The following ANO6 variants were observed in gnomAD, a reference collection of about 807,000 sequenced individuals.
ANO6 encodes the protein anoctamin 6, also known as anoctamin-6.
ANO6 carries 106 observed loss-of-function variants against 117.5 expected under a neutral mutation model. That is an observed-to-expected ratio of 0.90 (90% confidence interval 0.77 to 1.06). The LOEUF is 1.06. Among genes scored for constraint, ANO6 ranks in the 50% least tolerant of loss-of-function variants. The pLI is 0.00. For missense variants in ANO6, 955 were observed against 1,121.1 expected (o/e 0.85, Z 2.12); for synonymous variants, 367 against 385.1 (o/e 0.95, Z 0.55).
At chr12:45,217,145 G>C (rs915784079) in intron 1 of ANO6, among the ~76,000 whole-genome samples, 12 of 152,124 alleles carry the variant, frequency 7.9e-5, no homozygotes, top group African/African-American at 2.9e-4. Flanking sequence ...AAGAAAAAAA[G>C]GGCAAACAAA....
exon 20 of ANO6, chr12:45,439,691 C>A: frequency 6.9e-7 from 1 of 1,445,538 alleles, no homozygotes; most frequent in Non-Finnish European, 9.1e-7. Flanking sequence ...GCTTTGTTGC[C>A]CAGGCTGGGA....
At chr12:45,258,820 G>A (rs891777501) in intron 1 of ANO6, among the ~76,000 whole-genome samples, 1 of 152,340 alleles carries the variant, frequency 6.6e-6, no homozygotes, top group African/African-American at 2.4e-5. Flanking sequence ...CTCCAGAATA[G>A]AGACTGTAAA....
chr12:45,379,660 G>C (rs1942118966), intron 10 of ANO6, among the ~76,000 whole-genome samples: 1 of 152,252 alleles, frequency 6.6e-6, no homozygotes, highest in Middle Eastern at 3.4e-3. Flanking sequence ...ACTAATGGAT[G>C]CTGATAGCCC....
chr12:45,281,622 A>T (rs545885553), intron 1 of ANO6, among the ~76,000 whole-genome samples: 1 of 152,340 alleles, frequency 6.6e-6, no homozygotes, highest in African/African-American at 2.4e-5. Flanking sequence ...GATGGTGCTC[A>T]GCCATTCATG....
In ANO6 at chr12:45,378,118, GTTTTTT is replaced by G; in HGVS notation, c.1165+16_1165+21del. The G allele has an allele frequency of 6.7e-7, 1 of 1,501,802 alleles. No homozygotes were observed. Among genetic ancestry groups the G allele is most frequent in the East Asian group, 2.3e-5 (1 of 43,108 alleles). The allele number at this position is 1,501,802 out of a possible 1,614,324, so 93.0% of individuals were successfully genotyped here. On this transcript the variant is annotated splice_donor_region_variant and intron_variant, in intron 10 of 19. Transcript: ENST00000320560. ...CAGTATTTATGGGAGTATGGGGTAA[GTTTTTT>G]TTTTTTTTTTCATGCACTCAATTTG...
intron 1 of ANO6, among the ~76,000 whole-genome samples, chr12:45,261,164 C>G (rs1427739217): frequency 2.6e-5 from 4 of 152,060 alleles, no homozygotes; most frequent in Non-Finnish European, 5.9e-5. Context: ...TATCAGGATT[C>G]CAGGCATGTG....
chr12:45,439,639 TTTAA>T (rs1943747203), intron 19 of ANO6: 1 of 1,382,526 alleles, frequency 7.2e-7, no homozygotes, highest in Non-Finnish European at 9.4e-7. Flanking sequence ...CAAGATATGA[TTTAA>T]TTGCTTTTTT....
intron 1 of ANO6, among the ~76,000 whole-genome samples, chr12:45,244,876 G>A (rs1315068299): frequency 6.6e-6 from 1 of 152,130 alleles, no homozygotes; most frequent in Admixed American, 6.5e-5. Flanking sequence ...GGAATCTTTG[G>A]TCATAGCAGG....
At chr12:45,419,252 GT>G (rs1565768530) in intron 17 of ANO6, among the ~76,000 whole-genome samples, 15 of 152,218 alleles carry the variant, frequency 9.9e-5, no homozygotes, top group Non-Finnish European at 1.5e-4. Flanking sequence ...CTTGCAGCAT[GT>G]CTCTCAGAGC....
At chr12:45,432,571 A>ATTCTT (rs781015727), downstream of ANO6, among the ~76,000 whole-genome samples, 1 of 152,210 alleles carries the variant, frequency 6.6e-6, no homozygotes, top group African/African-American at 2.4e-5. Context: ...CCCAAATCCT[A>ATTCTT]TTCTTTTCAT....
intron 7 of ANO6, among the ~76,000 whole-genome samples, chr12:45,353,680 A>G (rs191552308): frequency 2.0e-4 from 31 of 152,298 alleles, no homozygotes; most frequent in Non-Finnish European, 4.1e-4. Context: ...TTTGTTCCCA[A>G]AAAGCAAACC....
intron 1 of ANO6, among the ~76,000 whole-genome samples, chr12:45,258,677 A>G (rs948867664): frequency 6.6e-6 from 1 of 151,940 alleles, no homozygotes; most frequent in African/African-American, 2.4e-5. Context: ...ACCTCCACAC[A>G]CCAATTTTGT....
chr12:45,218,093 T>C (rs1947343492), intron 1 of ANO6, among the ~76,000 whole-genome samples: 1 of 152,212 alleles, frequency 6.6e-6, no homozygotes, highest in African/African-American at 2.4e-5. Context: ...ATGCTAGTTT[T>C]GTCCAGTCAA....
intron 1 of ANO6, among the ~76,000 whole-genome samples, chr12:45,233,278 C>T (rs1481817367): frequency 6.6e-6 from 1 of 152,134 alleles, no homozygotes; most frequent in Non-Finnish European, 1.5e-5. Context: ...GGGATTTCCT[C>T]CCCTGTGAAT....
intron 16 of ANO6, 128 bp from the exon 17 acceptor site, chr12:45,416,571 A>T: frequency 1.2e-6 from 1 of 817,220 alleles, no homozygotes; most frequent in African/African-American, 1.7e-5. Context: ...ACACTAAATT[A>T]TTATTTACCA....
intron 10 of ANO6, among the ~76,000 whole-genome samples, chr12:45,379,073 T>G (rs1028120695): frequency 6.6e-6 from 1 of 152,222 alleles, no homozygotes; most frequent in Non-Finnish European, 1.5e-5. Flanking sequence ...AATTTCCATT[T>G]TCAAAATTAG....
chr12:45,421,015 G>C, intron 17 of ANO6, 56 bp from the exon 18 acceptor site: 1 of 1,585,692 alleles, frequency 6.3e-7, no homozygotes, highest in Non-Finnish European at 8.6e-7. Context: ...GCGAGACTCC[G>C]TCTCAAAAAC....
At chr12:45,264,264 G>A (rs751232692) in intron 1 of ANO6, among the ~76,000 whole-genome samples, 2 of 152,232 alleles carry the variant, frequency 1.3e-5, no homozygotes, top group South Asian at 2.1e-4. Context: ...TGTGTTATTC[G>A]AGTGTTGAAT....
chr12:45,400,423 G>A (rs1199288746), intron 12 of ANO6, among the ~76,000 whole-genome samples: 1 of 152,092 alleles, frequency 6.6e-6, no homozygotes, highest in East Asian at 1.9e-4. Context: ...CACAAGTGTT[G>A]AGACTTAACT....
Sources: allele counts gnomAD v4.1 joint callset (sites outside exome capture counted in the v4.1 genomes callset), GRCh38; gene constraint gnomAD v4.1.1; transcripts MANE v1.5; gene names NCBI Gene and HGNC (gene_info 2026-07-23, HGNC 2026-07-21).